Variants in RAD54B observed in about 807,000 individuals in gnomAD.
RAD54B encodes RAD54 homolog B.
In RAD54B, 78 loss-of-function variants were observed where a neutral mutation model predicts 95.8. The ratio of observed to expected loss-of-function variants is 0.81; its 90% CI spans 0.68 to 0.98. RAD54B has a LOEUF of 0.98. Among genes scored for constraint, RAD54B ranks in the 50% least tolerant of loss-of-function variants. The pLI is 0.00. For synonymous variants in RAD54B, 328 were observed against 354.9 expected (o/e 0.92, Z 0.85); for missense variants, 957 against 1,056.6 (o/e 0.91, Z 1.31).
chr8:94,388,707 G>T lies in RAD54B; in HGVS notation c.1810-1548C>A, dbSNP rs1170925579. Among the ~76,000 whole-genome samples the T allele has an allele frequency of 2.0e-5, 3 of 152,154 alleles. No individual in the cohort carries two copies. The East Asian group carries it at 5.8e-4, about 29-fold the overall frequency. On this transcript the variant is annotated intron_variant, in intron 10 of 14. Coordinates refer to ENST00000336148, the MANE Select transcript of RAD54B (RefSeq NM_012415.3). ...AGTACTAATTTTAATTTGGCTTACT[G>T]TCAAAATACAGCAATATTTAGGTGT...
chr8:94,427,978 AAAGAAAAATACTTGACTATTTTAAG>A, intron 3 of RAD54B: 1 of 923,672 alleles, frequency 1.1e-6, no homozygotes, highest in South Asian at 5.0e-5. Context: ...ATCATACACA[AAAGAAAAATACTTGACTATTTTAAG>A]AAATCTGGTA....
At chr8:94,431,081 G>A in intron 3 of RAD54B, 1 of 984,748 alleles carries the variant, frequency 1.0e-6, no homozygotes, top group Non-Finnish European at 1.2e-6. Context: ...CAAAACCCCA[G>A]CAAAAATAGA....
chr8:94,384,620 A>G (rs143648867), intron 11 of RAD54B, among the ~76,000 whole-genome samples: 103 of 152,294 alleles, frequency 6.8e-4, no homozygotes, highest in Middle Eastern at 3.4e-3. Flanking sequence ...TGTACTTAAC[A>G]CTACAGAATT....
At chr8:94,463,275 A>G (rs1045343835) in intron 2 of RAD54B, among the ~76,000 whole-genome samples, 1 of 151,722 alleles carries the variant, frequency 6.6e-6, no homozygotes, top group African/African-American at 2.4e-5. Context: ...CCTTAAAAAA[A>G]AAAAAAAAAG....
chr8:94,442,379 T>G (rs1318887823), intron 3 of RAD54B, among the ~76,000 whole-genome samples: 1 of 152,060 alleles, frequency 6.6e-6, no homozygotes, highest in Non-Finnish European at 1.5e-5. Flanking sequence ...AAGACCATCC[T>G]GGCTAACATG....
chr8:94,385,607 T>C (rs1204861978), intron 11 of RAD54B, among the ~76,000 whole-genome samples: 1 of 152,104 alleles, frequency 6.6e-6, no homozygotes, highest in Non-Finnish European at 1.5e-5. Flanking sequence ...CTTGTTGTTG[T>C]TGTTGTTATT....
chr8:94,386,791 G>A (rs1810899006), intron 11 of RAD54B, among the ~76,000 whole-genome samples, 193 bp downstream of exon 11: 1 of 152,148 alleles, frequency 6.6e-6, no homozygotes, highest in Non-Finnish European at 1.5e-5. Context: ...GTATACATAT[G>A]TTTAGTTTTT....
intron 3 of RAD54B, among the ~76,000 whole-genome samples, chr8:94,444,795 T>C (rs576822794): frequency 2.0e-5 from 3 of 152,158 alleles, no homozygotes; most frequent in Non-Finnish European, 4.4e-5. Context: ...GAGTTTACAA[T>C]TGTAAATTCT....
At chr8:94,388,164 T>G (rs573225365) in intron 10 of RAD54B, among the ~76,000 whole-genome samples, 106 of 152,278 alleles carry the variant, frequency 7.0e-4, no homozygotes, top group African/African-American at 2.5e-3. Flanking sequence ...GGGTTTGAAC[T>G]ACGCAAGTCT....
Position 94,411,290 on chromosome 8 carries a change from T to C in RAD54B, c.330A>G (p.Ala110=). The C allele has an allele frequency of 1.9e-6, 3 of 1,580,506 alleles. No homozygotes were observed. The highest frequency in any genetic ancestry group is 2.6e-6 in the Non-Finnish European group (3 of 1,171,404). ...HTVHSAPKEV[A]VSKEQEEKSD... ...ATTTCTCTTCTTGTTCCTTGGACAC[T>C]GCTACTTCTTTAGGAGCCGAATGAA... The change falls in exon 4 of 15, where the codon GCA becomes GCG. Residue 110 remains alanine, a synonymous_variant. Transcript: ENST00000336148.
chr8:94,464,313 T>C (rs1257802170), intron 2 of RAD54B, among the ~76,000 whole-genome samples: 1 of 152,120 alleles, frequency 6.6e-6, no homozygotes, highest in Admixed American at 6.5e-5. Flanking sequence ...TCCCTGGCTA[T>C]GAAGACGGAA....
chr8:94,450,837 T>G (rs1003450979), intron 3 of RAD54B, among the ~76,000 whole-genome samples: 5 of 152,030 alleles, frequency 3.3e-5, no homozygotes, highest in African/African-American at 1.2e-4. Flanking sequence ...AAAAAAAATT[T>G]ACTATTAAAT....
intron 2 of RAD54B, among the ~76,000 whole-genome samples, chr8:94,466,154 G>A (rs80050845): frequency 1.3e-5 from 2 of 152,168 alleles, no homozygotes; most frequent in African/African-American, 2.4e-5. Flanking sequence ...TGGTAATGTG[G>A]CAAATTTTAT....
intron 3 of RAD54B, among the ~76,000 whole-genome samples, chr8:94,420,754 G>A (rs1221971410): frequency 6.6e-6 from 1 of 152,050 alleles, no homozygotes; most frequent in African/African-American, 2.4e-5. Flanking sequence ...GGAGGCTAAG[G>A]TGGGCGGATC....
chr8:94,380,330 T>C lies in RAD54B; in HGVS notation c.2062A>G (p.Thr688Ala). The change falls in exon 12 of 15, where the codon ACA (threonine) becomes GCA (alanine). Residue 688 changes from threonine to alanine, a missense_variant. Physicochemically the swap from Thr to Ala is moderately conservative, Grantham distance 58 (BLOSUM62 0). Coordinates refer to ENST00000336148, the MANE Select transcript of RAD54B (RefSeq NM_012415.3). ...ATTGGTGTTTGTCCATCAAGTCTTG[T>C]ATAAGCATATCCATGACGCTTACAT... ...EVCKRHGYAYTRLDGQTPISQ... is the reference protein window; with the variant it reads ...EVCKRHGYAYARLDGQTPISQ... 6.2e-7 allele frequency: 1 copy of C among 1,614,010 alleles called. No individual in the cohort carries two copies. Among genetic ancestry groups the C allele is most frequent in the Non-Finnish European group, 8.5e-7 (1 of 1,179,884 alleles).
intron 3 of RAD54B, among the ~76,000 whole-genome samples, chr8:94,442,675 T>C (rs1487755156): frequency 6.6e-6 from 1 of 151,900 alleles, no homozygotes; most frequent in African/African-American, 2.4e-5. Flanking sequence ...ATTTATTGTA[T>C]AGTTCAAAAC....
intron 6 of RAD54B, 151 bp downstream of exon 6, chr8:94,403,926 A>C: frequency 1.7e-6 from 1 of 591,068 alleles, no homozygotes; most frequent in South Asian, 4.2e-5. Context: ...GAATAAATGC[A>C]CACAGTAAGC....
At chr8:94,441,138 A>G (rs1812388051) in intron 3 of RAD54B, among the ~76,000 whole-genome samples, 1 of 152,176 alleles carries the variant, frequency 6.6e-6, no homozygotes, top group Non-Finnish European at 1.5e-5. Context: ...GCTCAAATCA[A>G]TCACGACCCT....
chr8:94,430,295 A>T, intron 3 of RAD54B: 2 of 945,868 alleles, frequency 2.1e-6, no homozygotes, highest in South Asian at 9.8e-5. Context: ...TAGGTGACAA[A>T]GCAAGACTCC....
Sources: gnomAD v4.1 joint callset for allele counts (sites outside exome capture counted in the v4.1 genomes callset) on GRCh38, gnomAD v4.1.1 for gene constraint, MANE v1.5 for transcripts, NCBI Gene and HGNC (gene_info 2026-07-23, HGNC 2026-07-21) for gene names.